ZNF121: variants seen among roughly 807,000 people sequenced by gnomAD.
ZNF121 encodes zinc finger protein 121 (clone ZHC32).
In ZNF121, 1 loss-of-function variant was observed where a neutral mutation model predicts 2.4. The ratio of observed to expected loss-of-function variants is 0.41; its 90% CI spans 0.15 to 1.94. ZNF121 has a LOEUF of 1.94. ZNF121 is among the 30% of genes most tolerant of loss of function. ZNF121 has a pLI of 0.30. For synonymous variants in ZNF121, 173 were observed against 158.6 expected (o/e 1.09, Z -0.68); for missense variants, 369 against 466.3 (o/e 0.79, Z 1.92).
At chr19:9,580,296 GA>G (rs1214834695) in intron 1 of ZNF121, among the ~76,000 whole-genome samples, 1 of 143,400 alleles carries the variant, frequency 7.0e-6, no homozygotes, top group Non-Finnish European at 1.5e-5. Flanking sequence ...GTCTCAAAAA[GA>G]AAAAAAGAAA....
chr19:9,561,712 C>T lies in ZNF121; in HGVS notation c.*4228G>A, dbSNP rs1040742457. The T allele has an allele frequency of 6.6e-6, 1 of 152,026 alleles. No individual in the cohort carries two copies. The highest frequency in any genetic ancestry group is 2.4e-5 in the African/African-American group (1 of 41,370). The allele number at this position is 152,026 out of a possible 1,614,324, so 9.4% of individuals were successfully genotyped here. The stretch of plus-strand genomic sequence containing the variant: ...GACCAGTCTGGGCAACATAGTGAGA[C>T]CTCGGCTCTACGAATAAAAAAATTA... On this transcript the variant is annotated 3_prime_UTR_variant, in exon 4 of 4. Coordinates refer to ENST00000320451, the MANE Select transcript of ZNF121 (RefSeq NM_001008727.5).
chr19:9,577,219 G>C (rs893829557), intron 1 of ZNF121, among the ~76,000 whole-genome samples: 9 of 152,056 alleles, frequency 5.9e-5, no homozygotes, highest in African/African-American at 2.2e-4. Flanking sequence ...TGAGGCGGGT[G>C]GATCACCTTA....
In ZNF121 at chr19:9,563,856, T is replaced by C. The variant is rs2074114382; in HGVS notation, c.*2084A>G. On this transcript the variant is annotated 3_prime_UTR_variant, in exon 4 of 4. Coordinates refer to ENST00000320451, the MANE Select transcript of ZNF121 (RefSeq NM_001008727.5). Reference sequence around the variant, plus strand: ...ATCTACTCTTCCTGTGGTATCTATTTACATCTATTTACAGCATGGTTTACT... The same window carrying C: ...ATCTACTCTTCCTGTGGTATCTATTCACATCTATTTACAGCATGGTTTACT... 2 of 152,350 alleles carry C rather than the reference T, an allele frequency of 1.3e-5. No individual in the cohort carries two copies. The highest frequency in any genetic ancestry group is 3.4e-3 in the Middle Eastern group (1 of 294). 9.4% of individuals were successfully genotyped at this position (152,350 alleles called of 1,614,324 possible). A position where few individuals can be genotyped will look rare whatever the true frequency, so the allele number is the denominator to read the frequency against.
intron 1 of ZNF121, among the ~76,000 whole-genome samples, chr19:9,579,139 T>A (rs116535862): frequency 0.012 from 1,793 of 152,292 alleles, 46 homozygotes; most frequent in African/African-American, 0.041. Context: ...CACAATGAGA[T>A]GTCATCTCAC....
chr19:9,575,767 C>CTATATAATGA (rs1260824035), intron 1 of ZNF121, among the ~76,000 whole-genome samples: 2 of 151,878 alleles, frequency 1.3e-5, no homozygotes, highest in Non-Finnish European at 2.9e-5. Flanking sequence ...AAGAAGGTCA[C>CTATATAATGA]TATATAATGA....
chr19:9,572,727 C>T (rs1026246316), intron 1 of ZNF121, among the ~76,000 whole-genome samples: 2 of 152,160 alleles, frequency 1.3e-5, no homozygotes, highest in South Asian at 4.1e-4. Flanking sequence ...TTTAAGATTC[C>T]ATCTAGTGCT....
In ZNF121 at chr19:9,561,917, GAA is replaced by G. The variant is rs2074102912; in HGVS notation, c.*4021_*4022del. The G allele has an allele frequency of 1.3e-5, 2 of 148,906 alleles. No homozygotes were observed. The highest frequency in any genetic ancestry group is 3.0e-5 in the Non-Finnish European group (2 of 67,232). 9.2% of individuals were successfully genotyped at this position (148,906 alleles called of 1,614,324 possible). ...AAAAGAAAAAAAAAAAAAAGGAAAA[GAA>G]AACCACCATTTGGAAACCACTACAG... On this transcript the variant is annotated 3_prime_UTR_variant, in exon 4 of 4. Transcript: ENST00000320451.
intron 1 of ZNF121, 71 bp from the exon 2 acceptor site, chr19:9,569,153 A>G (rs922478724): frequency 2.0e-5 from 3 of 152,680 alleles, no homozygotes; most frequent in African/African-American, 2.4e-5. Flanking sequence ...CAAGAAAAAA[A>G]CAACTATATT....
chr19:9,579,832 A>C (rs761314581), intron 1 of ZNF121, among the ~76,000 whole-genome samples: 2 of 152,260 alleles, frequency 1.3e-5, no homozygotes, highest in African/African-American at 4.8e-5. Context: ...AAGGATAAAT[A>C]TTTAAGGTGA....
intron 1 of ZNF121, among the ~76,000 whole-genome samples, chr19:9,571,604 A>G (rs142503111): frequency 1.1e-4 from 17 of 152,316 alleles, no homozygotes; most frequent in African/African-American, 4.1e-4. Context: ...ATGTATCTTC[A>G]TAACATTGCC....
chr19:9,576,567 G>A, intron 1 of ZNF121, among the ~76,000 whole-genome samples: 1 of 151,942 alleles, frequency 6.6e-6, no homozygotes, highest in Non-Finnish European at 1.5e-5. Flanking sequence ...ATACCCTTAA[G>A]ATACTAGAAA....
chr19:9,571,323 A>G (rs2074172690), intron 1 of ZNF121, among the ~76,000 whole-genome samples: 1 of 152,202 alleles, frequency 6.6e-6, no homozygotes. Flanking sequence ...CCATCTATGT[A>G]AAAAGTCTAA....
In ZNF121 at chr19:9,561,566, A is replaced by C. The variant is rs1240115523; in HGVS notation, c.*4374T>G. 6.6e-6 allele frequency: 1 copy of C among 152,158 alleles called. No individual in the cohort carries two copies. The highest frequency in any genetic ancestry group is 6.5e-5 in the Admixed American group (1 of 15,268). 9.4% of individuals were successfully genotyped at this position (152,158 alleles called of 1,614,324 possible). On this transcript the variant is annotated 3_prime_UTR_variant, in exon 4 of 4. Coordinates refer to ENST00000320451, the MANE Select transcript of ZNF121 (RefSeq NM_001008727.5). Reference sequence around the variant, plus strand: ...CTTCCTTACAAAATTCCAGTTAAGAAATGTAGAAGAAACTATGGAATTAGA... The same window carrying C: ...CTTCCTTACAAAATTCCAGTTAAGACATGTAGAAGAAACTATGGAATTAGA...
Position 9,562,751 on chromosome 19 carries a change from T to A in ZNF121, c.*3189A>T, listed in dbSNP as rs2074107646. On this transcript the variant is annotated 3_prime_UTR_variant, in exon 4 of 4. Transcript: ENST00000320451. ...ATGATTAACCTCAGTGAGAAAGTCA[T>A]GTCAAAAGCCAAGATAAGAGCCAGG... 1 of 151,898 alleles carries A rather than the reference T, an allele frequency of 6.6e-6. No individual in the cohort carries two copies. The allele number at this position is 151,898 out of a possible 1,614,324, so 9.4% of individuals were successfully genotyped here.
intron 1 of ZNF121, among the ~76,000 whole-genome samples, chr19:9,576,687 G>A (rs1027085824): frequency 3.3e-5 from 5 of 151,922 alleles, no homozygotes; most frequent in African/African-American, 1.2e-4. Context: ...ACATAAAGTT[G>A]ATTACTTGAA....
intron 1 of ZNF121, among the ~76,000 whole-genome samples, chr19:9,570,977 A>G (rs1293893597): frequency 6.6e-6 from 1 of 152,244 alleles, no homozygotes; most frequent in African/African-American, 2.4e-5. Context: ...AAAATCAACT[A>G]TCAAGGACAG....
chr19:9,569,838 C>CTTTTTTTTTTTT (rs752091749), intron 1 of ZNF121, among the ~76,000 whole-genome samples: 1 of 117,696 alleles, frequency 8.5e-6, no homozygotes. Flanking sequence ...TGGCCGAGAT[C>CTTTTTTTTTTTT]TTTTTTTTTT....
At chr19:9,569,721 C>T (rs1256604793) in intron 1 of ZNF121, among the ~76,000 whole-genome samples, 3 of 151,462 alleles carry the variant, frequency 2.0e-5, no homozygotes, top group Non-Finnish European at 4.4e-5. Flanking sequence ...TTTATAGAGA[C>T]AGGGTTTCAC....
rs772753481 is a variant in ZNF121, at chr19:9,563,759, G to A, written c.*2181C>T. 6.6e-6 allele frequency: 1 copy of A among 152,152 alleles called. No homozygotes were observed. 9.4% of individuals were successfully genotyped at this position (152,152 alleles called of 1,614,324 possible). On this transcript the variant is annotated 3_prime_UTR_variant, in exon 4 of 4. Coordinates refer to ENST00000320451, the MANE Select transcript of ZNF121 (RefSeq NM_001008727.5). ...TTTCTTGTTAGAGGTCAATGCAGTTGGTGACTTTAAATGAATGCTAATATT... is the reference window on the plus strand; with the variant it reads ...TTTCTTGTTAGAGGTCAATGCAGTTAGTGACTTTAAATGAATGCTAATATT...
Sources: allele counts gnomAD v4.1 joint callset (sites outside exome capture counted in the v4.1 genomes callset), GRCh38; gene constraint gnomAD v4.1.1; transcripts MANE v1.5; gene names NCBI Gene and HGNC (gene_info 2026-07-23, HGNC 2026-07-21).